DOP1B: variants seen among roughly 807,000 people sequenced by gnomAD.
DOP1B encodes protein DOP1B.
A neutral mutation model predicts 233.5 loss-of-function variants in DOP1B; 174 were observed. The ratio of observed to expected loss-of-function variants is 0.75; its 90% confidence interval spans 0.66 to 0.85. The LOEUF is 0.85. Ranked by LOEUF, DOP1B falls within the 40% of genes least tolerant of loss-of-function variation. The pLI, the probability that DOP1B is intolerant of heterozygous loss-of-function variation, is 0.00. For synonymous variants in DOP1B, 1,190 were observed against 1,185.6 expected (o/e 1.00, Z -0.08); for missense variants, 2,652 against 2,846.6 (o/e 0.93, Z 1.56).
At chr21:36,217,108 A>C (rs1260598014) in intron 9 of DOP1B, among the ~76,000 whole-genome samples, 1 of 148,956 alleles carries the variant, frequency 6.7e-6, no homozygotes, top group Admixed American at 6.7e-5. Context: ...AGCTGAGGGC[A>C]TTAGTGAAGT....
chr21:36,163,344 C>CAAAAAAAA (rs762277927), intron 1 of DOP1B, among the ~76,000 whole-genome samples: 90 of 107,702 alleles, frequency 8.4e-4, no homozygotes, highest in African/African-American at 2.9e-3. Context: ...GACTCTGTCT[C>CAAAAAAAA]AAAAAAAAAA....
At chr21:36,231,176 C>T (rs761256741) in intron 14 of DOP1B, 42 bp downstream of exon 14, 25 of 1,537,500 alleles carry the variant, frequency 1.6e-5, no homozygotes, top group East Asian at 4.5e-5. Context: ...GGGAATCATA[C>T]GATGAGGCGA....
chr21:36,275,318 G>A (rs1216752716), intron 27 of DOP1B, among the ~76,000 whole-genome samples: 1 of 152,104 alleles, frequency 6.6e-6, no homozygotes, highest in Non-Finnish European at 1.5e-5. Flanking sequence ...TAGGAGTCAG[G>A]AACATATCTA....
At chr21:36,220,339 A>G (rs188554572) in intron 10 of DOP1B, among the ~76,000 whole-genome samples, 44 of 152,362 alleles carry the variant, frequency 2.9e-4, no homozygotes, top group African/African-American at 1.1e-3. Flanking sequence ...AAGATCAAGA[A>G]AAAAGGTGTC....
chr21:36,249,324 A>T (rs1418259607), intron 21 of DOP1B, among the ~76,000 whole-genome samples: 2 of 152,152 alleles, frequency 1.3e-5, no homozygotes, highest in Non-Finnish European at 2.9e-5. Context: ...GCTACTCAGG[A>T]GGCCGAGGCA....
At chr21:36,250,534 ACGGTG>A (rs2096001292) in intron 21 of DOP1B, among the ~76,000 whole-genome samples, 1 of 152,196 alleles carries the variant, frequency 6.6e-6, no homozygotes, top group African/African-American at 2.4e-5. Context: ...GGATTTAACT[ACGGTG>A]GGCACTGCAG....
rs756941986 is a variant in DOP1B at position 36,245,311 on chromosome 21, G to C, written c.3331G>C (p.Glu1111Gln). The C allele has an allele frequency of 1.2e-6, 2 of 1,614,094 alleles. No homozygotes were observed. Among genetic ancestry groups the C allele is most frequent in the Non-Finnish European group, 1.7e-6 (2 of 1,180,042 alleles). Residue 1111 changes from glutamate to glutamine, a missense_variant, in exon 19 of 37, where the codon GAG becomes CAG. Coordinates refer to ENST00000691173, the MANE Select transcript of DOP1B (RefSeq NM_001320714.2). This position sits in a 1 kb window ranked among gnomAD's most constrained non-coding sequence, Gnocchi z 5.5. ...HGAPDSSEHT[E>Q]SADTSSCHTD... ...CGCCCCGGACAGCAGCGAGCACACC[G>C]AGTCTGCAGATACAAGCTCCTGCCA...
In DOP1B at chr21:36,281,418, T is replaced by C; in HGVS notation, c.6032-65T>C. The C allele has an allele frequency of 2.0e-6, 3 of 1,493,962 alleles. No homozygotes were observed. In the Middle Eastern group the frequency reaches 5.4e-4, roughly 271 times the overall value. The allele number at this position is 1,493,962 out of a possible 1,614,324, so 92.5% of individuals were successfully genotyped here. A position where few individuals can be genotyped will look rare whatever the true frequency, so the allele number is the denominator to read the frequency against. On this transcript the variant is annotated intron_variant, in intron 31 of 36. Coordinates refer to ENST00000691173, the MANE Select transcript of DOP1B (RefSeq NM_001320714.2). Reference sequence around the variant, plus strand: ...GAATATAGAATTACACTAGTATGAATTTCCCATCACTTCCCTCCAATTGTG... The same window carrying C: ...GAATATAGAATTACACTAGTATGAACTTCCCATCACTTCCCTCCAATTGTG...
At chr21:36,198,344 G>A (rs1211044437) in intron 2 of DOP1B, among the ~76,000 whole-genome samples, 7 of 151,548 alleles carry the variant, frequency 4.6e-5, no homozygotes, top group Non-Finnish European at 8.8e-5. Flanking sequence ...CAGGAGAATC[G>A]CTTGAACCTG....
At chr21:36,291,668 A>T (rs1256614825) in intron 35 of DOP1B, among the ~76,000 whole-genome samples, 8 of 152,226 alleles carry the variant, frequency 5.3e-5, no homozygotes, top group Non-Finnish European at 1.0e-4. Flanking sequence ...GAACAGGCAG[A>T]TCATGTGACA....
At chr21:36,259,216 C>G (rs992432593) in intron 23 of DOP1B, among the ~76,000 whole-genome samples, 2 of 151,328 alleles carry the variant, frequency 1.3e-5, no homozygotes, top group Non-Finnish European at 1.5e-5. Context: ...CCACCCGCCT[C>G]GGCTTCCCAA....
intron 23 of DOP1B, among the ~76,000 whole-genome samples, chr21:36,259,158 G>A (rs952159277): frequency 1.3e-5 from 2 of 151,880 alleles, no homozygotes; most frequent in Admixed American, 6.6e-5. Context: ...GTAGAGACAG[G>A]GTTTCACCGT....
chr21:36,272,505 C>T (rs2067299734), intron 27 of DOP1B, among the ~76,000 whole-genome samples: 1 of 151,634 alleles, frequency 6.6e-6, no homozygotes, highest in South Asian at 2.1e-4. Flanking sequence ...CAAAAATTAG[C>T]CAGGTATGGT....
At chr21:36,238,818 T>C in intron 17 of DOP1B, 117 bp downstream of exon 17, 1 of 969,382 alleles carries the variant, frequency 1.0e-6, no homozygotes. Flanking sequence ...CATGAACCCA[T>C]ATGACCGGGT....
Position 36,263,768 on chromosome 21 carries a change from C to T in DOP1B, c.5441C>T (p.Thr1814Ile), listed in dbSNP as rs747533250. 1 of 1,614,190 alleles carries T rather than the reference C, an allele frequency of 6.2e-7. No individual in the cohort carries two copies. Among genetic ancestry groups the T allele is most frequent in the Non-Finnish European group, 8.5e-7 (1 of 1,180,046 alleles). The change falls in exon 26 of 37, where the codon ACA (threonine) becomes ATA (isoleucine). Residue 1814 changes from threonine (T) to isoleucine (I), a missense_variant. Coordinates refer to ENST00000691173, the MANE Select transcript of DOP1B (RefSeq NM_001320714.2). ...AACAGCATGCTGAATGACTTTGTAA[C>T]AAGAACTCCCAACCTGGAAAACAAG... ...LLLSMLNDFVTRTPNLENKKD... is the reference protein window; with the variant it reads ...LLLSMLNDFVIRTPNLENKKD...
intron 2 of DOP1B, among the ~76,000 whole-genome samples, chr21:36,186,836 G>A (rs2066170477): frequency 6.6e-6 from 1 of 152,112 alleles, no homozygotes; most frequent in Admixed American, 6.5e-5. Context: ...AGAAAGCAGA[G>A]CCTCAGAGCT....
chr21:36,249,138 T>C (rs375391551), intron 21 of DOP1B, among the ~76,000 whole-genome samples: 49 of 146,150 alleles, frequency 3.4e-4, no homozygotes, highest in African/African-American at 1.1e-3. Context: ...ATAAATAAAG[T>C]CTCTAGAGCT....
At chr21:36,289,726 A>G (rs2067535429) in intron 35 of DOP1B, among the ~76,000 whole-genome samples, 1 of 152,176 alleles carries the variant, frequency 6.6e-6, no homozygotes, top group Admixed American at 6.6e-5. Flanking sequence ...GTAATCATAT[A>G]GAAATGTTTG....
At chr21:36,199,538 T>TA (rs2066334959) in intron 3 of DOP1B, among the ~76,000 whole-genome samples, 1 of 152,130 alleles carries the variant, frequency 6.6e-6, no homozygotes, top group Non-Finnish European at 1.5e-5. Context: ...CTGCACCCAT[T>TA]AACTCGTCAT....
Sources: allele counts gnomAD v4.1 joint callset (sites outside exome capture counted in the v4.1 genomes callset), GRCh38; gene constraint gnomAD v4.1.1; non-coding constraint Gnocchi (gnomAD v3.1); transcripts MANE v1.5; gene names NCBI Gene and HGNC (gene_info 2026-07-23, HGNC 2026-07-21).